The following ZC3H13 variants were observed in gnomAD, a reference collection of about 807,000 sequenced individuals.
ZC3H13 encodes zinc finger CCCH domain-containing protein 13.
Under a neutral mutation model 204.1 loss-of-function variants are expected in ZC3H13, and 64 were observed. That is an observed-to-expected ratio of 0.31 (90% CI 0.26 to 0.39). ZC3H13 has a LOEUF of 0.39. Ranked by LOEUF, ZC3H13 falls within the 10% of genes least tolerant of loss-of-function variation. ZC3H13 has a pLI of 1.00. For missense variants in ZC3H13, 1,833 were observed against 2,082.7 expected, an observed-to-expected ratio of 0.88 and a Z score of 2.33; for synonymous variants, 667 against 693.7, an observed-to-expected ratio of 0.96 and a Z score of 0.60.
intron 3 of ZC3H13, among the ~76,000 whole-genome samples, chr13:46,044,146 C>T (rs1853692512): frequency 1.4e-5 from 2 of 147,630 alleles, no homozygotes; most frequent in South Asian, 4.3e-4. Flanking sequence ...TCTACCCATA[C>T]ACTACCCCCA....
intron 10 of ZC3H13, among the ~76,000 whole-genome samples, chr13:45,984,040 C>T (rs1953948969): frequency 1.3e-5 from 2 of 152,126 alleles, no homozygotes; most frequent in African/African-American, 4.8e-5. Flanking sequence ...CCAAAATACC[C>T]AGTAATGCAG....
Position 45,969,708 on chromosome 13 carries a change from G to T in ZC3H13, c.2836C>A (p.Arg946=). The T allele has an allele frequency of 6.2e-7, 1 of 1,613,398 alleles. No homozygotes were observed. Residue 946 remains arginine, a synonymous_variant, in exon 14 of 19, where the codon CGA becomes AGA. Coordinates refer to ENST00000679008, the MANE Select transcript of ZC3H13 (RefSeq NM_001330564.2). ...TCATGAGCTCGATCAGATGTCTCTC[G>T]ATCTTCAGACTGGTGGTGTCCTATA... ...DIIGHHQSED[R]ETSDRAHDEN... is the part of the protein sequence containing the mutation.
In ZC3H13 at chr13:46,010,441, G is replaced by A; in HGVS notation, c.653C>T (p.Ser218Phe). The A allele has an allele frequency of 2.5e-6, 4 of 1,613,794 alleles. No individual in the cohort carries two copies. Among genetic ancestry groups the A allele is most frequent in the Non-Finnish European group, 3.4e-6 (4 of 1,179,780 alleles). The stretch of plus-strand genomic sequence containing the variant: ...CTTCGGGCTTGATTTTCGCTTCGGA[G>A]ATTTGCTAGACTTTCTTAGAGAAGG... ...PSPSLRKSSKSPKRKSSPKSS... is the reference protein window; with the variant it reads ...PSPSLRKSSKFPKRKSSPKSS... The change falls in exon 7 of 19, where the codon TCT (serine) becomes TTT (phenylalanine). Residue 218 changes from serine to phenylalanine, a missense_variant. This residue lies in a region of ZC3H13 where 1,574 missense variants were observed against 1,757.2 expected (regional missense o/e 0.90). Transcript: ENST00000679008.
rs117769073 is a variant in ZC3H13, at chr13:45,991,961, T to C, written c.945-2864A>G. ...GCAAGTAATTTCACCTGCAAACTAATAGGTTTACCCCAGACTTACTTAAAA... is the reference window on the plus strand; with the variant it reads ...GCAAGTAATTTCACCTGCAAACTAACAGGTTTACCCCAGACTTACTTAAAA... On this transcript the variant is annotated intron_variant, in intron 8 of 18. Transcript: ENST00000679008. Among the ~76,000 whole-genome samples the C allele has an allele frequency of 1.5e-4, 23 of 152,322 alleles. No homozygotes were observed. In the East Asian group the frequency reaches 2.5e-3, roughly 17 times the overall value.
intron 2 of ZC3H13, 75 bp downstream of exon 2, chr13:46,045,316 C>A (rs1593827388): frequency 7.6e-7 from 1 of 1,310,324 alleles, no homozygotes; most frequent in East Asian, 2.3e-5. Context: ...AACCTGTTCA[C>A]CTTTATGATA....
At position 45,968,965 on chromosome 13, in the gene ZC3H13, C is replaced by A. The variant is rs188022442; in HGVS notation, c.3579G>T (p.Gly1193=). ...PMDQKRSSSL[G]SNRSNRSHTS... The stretch of plus-strand genomic sequence containing the variant: ...TATGACTACGGTTACTCCGATTGCT[C>A]CCGAGGCTGCTGCTCCTCTTTTGAT... Residue 1193 remains glycine (G), a synonymous_variant, in exon 14 of 19, where the codon GGG becomes GGT. Coordinates refer to ENST00000679008, the MANE Select transcript of ZC3H13 (RefSeq NM_001330564.2). 3.1e-6 allele frequency: 5 copies of A among 1,614,202 alleles called. No homozygotes were observed. Among genetic ancestry groups the A allele is most frequent in the Admixed American group, 1.7e-5 (1 of 60,018 alleles).
chr13:45,975,333 C>A lies in ZC3H13; in HGVS notation c.2418G>T (p.Glu806Asp). 1 of 1,614,046 alleles carries A rather than the reference C, an allele frequency of 6.2e-7. No homozygotes were observed. ...CTCTTGGATTCCTATCTTCTCGGAT[C>A]TCTTCTCGCTTTTCTCTGCGGTCAT... Reference protein sequence around the residue: ...GRDDRREKREEIREDRNPRDG... With the variant: ...GRDDRREKREDIREDRNPRDG... The change falls in exon 12 of 19, where the codon GAG becomes GAT. Residue 806 changes from glutamate (E) to aspartate (D), a missense_variant. By Grantham distance (45) the Glu-to-Asp change is conservative. Coordinates refer to ENST00000679008, the MANE Select transcript of ZC3H13 (RefSeq NM_001330564.2).
intron 8 of ZC3H13, among the ~76,000 whole-genome samples, chr13:45,998,542 G>A (rs1033499528): frequency 1.3e-5 from 2 of 151,874 alleles, no homozygotes; most frequent in Non-Finnish European, 2.9e-5. Flanking sequence ...CCAGCTACTC[G>A]GGAGGCTGAG....
At chr13:46,030,075 T>C (rs962905321) in intron 4 of ZC3H13, among the ~76,000 whole-genome samples, 2 of 152,100 alleles carry the variant, frequency 1.3e-5, no homozygotes, top group Non-Finnish European at 2.9e-5. Context: ...TGGTTCAATA[T>C]TCAAAAATCA....
chr13:45,988,773 A>C lies in ZC3H13; in HGVS notation c.1255+14T>G, dbSNP rs1474093300. ...TCAATTTTTCAATTAAAAAAATCAA[A>C]GTACAGTACACACCTTCCCTCCTTT... is the stretch of plus-strand genomic sequence containing the variant. On this transcript the variant is annotated intron_variant, in intron 9 of 18. Coordinates refer to ENST00000679008, the MANE Select transcript of ZC3H13 (RefSeq NM_001330564.2). 1 of 1,579,084 alleles carries C rather than the reference A, an allele frequency of 6.3e-7. No individual in the cohort carries two copies. The highest frequency in any genetic ancestry group is 8.6e-7 in the Non-Finnish European group (1 of 1,161,042).
intron 4 of ZC3H13, among the ~76,000 whole-genome samples, chr13:46,023,173 A>C (rs189780591): frequency 2.4e-4 from 37 of 152,280 alleles, no homozygotes; most frequent in South Asian, 4.1e-4. Flanking sequence ...AATATAATCC[A>C]ACCTCCTACC....
intron 8 of ZC3H13, among the ~76,000 whole-genome samples, chr13:45,990,168 A>G (rs905958629): frequency 6.6e-6 from 1 of 152,056 alleles, no homozygotes; most frequent in Non-Finnish European, 1.5e-5. Flanking sequence ...AGGATGTTTA[A>G]CAGCATCCCT....
rs761869428 is a variant in ZC3H13 at position 45,969,173 on chromosome 13, G to A, written c.3371C>T (p.Ala1124Val). ...TGTGCTGAAAGAGGTGGCGGCAGCA[G>A]CAGTAGTGGCAGCAAGAGTTGCAGG... ...TVPATLAATT[A>V]AAATSFSTSA... is the part of the protein sequence containing the mutation. Residue 1124 changes from alanine to valine, a missense_variant, in exon 14 of 19, where the codon GCT becomes GTT. Ala to Val is a moderately conservative substitution (Grantham distance 64). Around this residue, in one of 5 missense-constraint regions of ZC3H13, gnomAD observed 1,574 missense variants for 1,757.2 expected, o/e 0.90. Coordinates refer to ENST00000679008, the MANE Select transcript of ZC3H13 (RefSeq NM_001330564.2). The A allele has an allele frequency of 2.5e-6, 4 of 1,614,054 alleles. No homozygotes were observed. The South Asian group carries it at 4.4e-5, about 18-fold the overall frequency.
Position 45,969,590 on chromosome 13 carries a change from G to A in ZC3H13, c.2954C>T (p.Thr985Ile). ...TGAAAATACTTGACCATCTTCAGAT[G>A]TTGTCTCTATGTTACCCCTCTCTAT... ...VGIERGNIETTSEDGQVFSPK... is the reference protein window; with the variant it reads ...VGIERGNIETISEDGQVFSPK... Residue 985 changes from threonine (T) to isoleucine (I), a missense_variant, in exon 14 of 19, where the codon ACA (threonine) becomes ATA (isoleucine). Thr to Ile is a moderately conservative substitution (Grantham distance 89). Transcript: ENST00000679008. 6.2e-7 allele frequency: 1 copy of A among 1,611,080 alleles called. No homozygotes were observed. Among genetic ancestry groups the A allele is most frequent in the Non-Finnish European group, 8.5e-7 (1 of 1,179,416 alleles).
intron 4 of ZC3H13, among the ~76,000 whole-genome samples, chr13:46,038,866 C>T (rs1211363833): frequency 6.6e-6 from 1 of 151,988 alleles, no homozygotes; most frequent in Non-Finnish European, 1.5e-5. Flanking sequence ...ACTGAAGATA[C>T]AAAAAATTAG....
chr13:46,005,122 G>T (rs1258850833), intron 7 of ZC3H13, among the ~76,000 whole-genome samples: 1 of 152,126 alleles, frequency 6.6e-6, no homozygotes, highest in African/African-American at 2.4e-5. Context: ...TGGTTTTTCT[G>T]TTGGCATGCT....
chr13:45,990,658 C>T (rs762607484), intron 8 of ZC3H13, among the ~76,000 whole-genome samples: 2 of 152,128 alleles, frequency 1.3e-5, no homozygotes, highest in Non-Finnish European at 1.5e-5. Flanking sequence ...AAATACTCAA[C>T]GGGTCTTAGC....
At chr13:45,984,361 C>G (rs1953984290) in intron 10 of ZC3H13, among the ~76,000 whole-genome samples, 1 of 151,786 alleles carries the variant, frequency 6.6e-6, no homozygotes, top group Non-Finnish European at 1.5e-5. Flanking sequence ...AAATTTTGAA[C>G]CATGTAAATA....
chr13:46,036,909 G>A (rs761822992), intron 4 of ZC3H13, among the ~76,000 whole-genome samples: 14 of 151,972 alleles, frequency 9.2e-5, no homozygotes, highest in Admixed American at 2.0e-4. Context: ...AGTAGAGACG[G>A]GGTTTTGCTA....
Sources: gnomAD v4.1 joint callset for allele counts (sites outside exome capture counted in the v4.1 genomes callset) on GRCh38, gnomAD v4.1.1 for gene constraint, gnomAD v4.1.1 regional missense constraint, MANE v1.5 for transcripts, NCBI Gene and HGNC (gene_info 2026-07-23, HGNC 2026-07-21) for gene names.